Variants in ASIC4 observed in about 807,000 individuals in gnomAD.
ASIC4 encodes the protein acid-sensing ion channel 4.
In ASIC4, 28 loss-of-function variants were observed where a neutral mutation model predicts 53.4. That is an observed-to-expected ratio of 0.52 (90% CI 0.39 to 0.72). The LOEUF is 0.72. Ranked by LOEUF, ASIC4 falls within the 30% of genes least tolerant of loss-of-function variation. The probability of loss-of-function intolerance (pLI) is 0.00; values close to 1 mark genes in which losing one functional copy is unlikely to be tolerated. For missense variants in ASIC4, 649 were observed against 729.7 expected (o/e 0.89, Z 1.27); for synonymous variants, 289 against 301.4 (o/e 0.96, Z 0.43).
At chr2:219,509,001 G>C in the ASIC4 span, among the ~76,000 whole-genome samples, 1 of 151,900 alleles carries the variant, frequency 6.6e-6, no homozygotes, top group Admixed American at 6.6e-5. This position sits in a 1 kb window ranked among gnomAD's most constrained non-coding sequence, Gnocchi z 5.2. Context: ...ACCGAGTGTG[G>C]AGAGAAATTT....
In ASIC4 at chr2:219,531,868, G is replaced by A. The variant is rs1460214997; in HGVS notation, c.693G>A (p.Gln231=). ...GCCTGGAGATCATGCTGGACATCCA[G>A]CAGGAGGAGTACCTGCCCATCTGGA... ...GSGLEIMLDI[Q]QEEYLPIWRE... Residue 231 remains glutamine, a synonymous_variant, in exon 2 of 10, where the codon CAG becomes CAA. Transcript: ENST00000358078. 6.2e-7 allele frequency: 1 copy of A among 1,613,218 alleles called. No homozygotes were observed. Among genetic ancestry groups the A allele is most frequent in the Admixed American group, 1.7e-5 (1 of 59,914 alleles).
chr2:219,511,474 C>G (rs1694701128), upstream of ASIC4, among the ~76,000 whole-genome samples: 1 of 152,092 alleles, frequency 6.6e-6, no homozygotes, highest in Admixed American at 6.5e-5. The surrounding 1 kb of genome is among the most constrained non-coding windows in gnomAD (Gnocchi z 5.3). Context: ...AAGCTCATCC[C>G]CTGGGGGGCG....
At chr2:219,528,873 G>A (rs1694997944) in intron 1 of ASIC4, among the ~76,000 whole-genome samples, 1 of 152,144 alleles carries the variant, frequency 6.6e-6, no homozygotes, top group African/African-American at 2.4e-5. Context: ...GCCCATTTCA[G>A]AGTTCCTCCA....
chr2:219,526,254 C>T (rs1420222771), intron 1 of ASIC4, among the ~76,000 whole-genome samples: 3 of 152,154 alleles, frequency 2.0e-5, no homozygotes, highest in African/African-American at 4.8e-5. Flanking sequence ...CCCAACCCCT[C>T]ATCACTGTCT....
At chr2:219,512,397 TG>T (rs1390090171), upstream of ASIC4, among the ~76,000 whole-genome samples, 1 of 152,108 alleles carries the variant, frequency 6.6e-6, no homozygotes, top group Non-Finnish European at 1.5e-5. Context: ...GCGGAGAGTT[TG>T]GGGGGCAGTT....
chr2:219,537,488 G>T lies in ASIC4; in HGVS notation c.1402-144G>T. On this transcript the variant is annotated intron_variant, in intron 8 of 9. Coordinates refer to ENST00000358078, the MANE Select transcript of ASIC4 (RefSeq NM_018674.6). This position sits in a 1 kb window ranked among gnomAD's most constrained non-coding sequence, Gnocchi z 4.9. ...GCCTGAGGGCTCAGAGTCAGGAGAA[G>T]GGGATGGGTGAGGAGGAGGAGGGTG... is the stretch of plus-strand genomic sequence containing the variant. 9.6e-7 allele frequency: 1 copy of T among 1,046,136 alleles called. No individual in the cohort carries two copies. The allele number at this position is 1,046,136 out of a possible 1,614,324, so 64.8% of individuals were successfully genotyped here.
chr2:219,514,286 C>T (rs952130026), upstream of ASIC4: 33 of 1,473,638 alleles, frequency 2.2e-5, no homozygotes, highest in African/African-American at 1.3e-4. Flanking sequence ...CCCGTGCTGC[C>T]GGTGAAACGC....
chr2:219,520,435 C>CCTCCTTAG (rs1694866908), intron 1 of ASIC4, among the ~76,000 whole-genome samples: 1 of 152,216 alleles, frequency 6.6e-6, no homozygotes, highest in Non-Finnish European at 1.5e-5. Flanking sequence ...GTCCCAGCGA[C>CCTCCTTAG]CTCCTTAGCT....
chr2:219,521,031 C>T (rs938162049), intron 1 of ASIC4, among the ~76,000 whole-genome samples: 3 of 152,220 alleles, frequency 2.0e-5, no homozygotes, highest in Non-Finnish European at 2.9e-5. Context: ...ATTGCAGAAC[C>T]AGGTGCACCC....
In ASIC4 at chr2:219,537,644, C is replaced by T. The variant is rs771596337; in HGVS notation, c.1414C>T (p.Arg472Ter). The change falls in exon 9 of 10, where the codon CGA becomes TGA. Residue 472 changes from arginine to a stop codon, truncating the protein, a stop_gained. Coordinates refer to ENST00000358078, the MANE Select transcript of ASIC4 (RefSeq NM_018674.6). LOFTEE classifies it high-confidence loss of function. The surrounding 1 kb of genome is among the most constrained non-coding windows in gnomAD (Gnocchi z 4.9). Reference sequence around the variant, plus strand: ...CCTGAACCCCAAGGTGTCCTGGGATCGACTGAAGCGGGTATGGAGGCGTCC... The same window carrying T: ...CCTGAACCCCAAGGTGTCCTGGGATTGACTGAAGCGGGTATGGAGGCGTCC... ...LDYIYEVSWD[R>*]LKRVWRRPKT... is the part of the protein sequence containing the mutation. The T allele has an allele frequency of 3.1e-6, 5 of 1,612,592 alleles. No individual in the cohort carries two copies. The highest frequency in any genetic ancestry group is 4.2e-6 in the Non-Finnish European group (5 of 1,179,362).
rs1694788071 is a variant in ASIC4, at chr2:219,516,306, C to G, written c.582+1000C>G. On this transcript the variant is annotated intron_variant, in intron 1 of 9. Coordinates refer to ENST00000358078, the MANE Select transcript of ASIC4 (RefSeq NM_018674.6). The surrounding 1 kb of genome is among the most constrained non-coding windows in gnomAD (Gnocchi z 4.9). Reference sequence around the variant, plus strand: ...CCCCATCTATCCCAACCGCTGCTCCCCATTTGGAGACTGCTGGCGCCATCT... The same window carrying G: ...CCCCATCTATCCCAACCGCTGCTCCGCATTTGGAGACTGCTGGCGCCATCT... Among the ~76,000 whole-genome samples, 1 of 152,202 alleles carries G rather than the reference C, an allele frequency of 6.6e-6. No homozygotes were observed. Among genetic ancestry groups the G allele is most frequent in the Non-Finnish European group, 1.5e-5 (1 of 68,040 alleles).
At chr2:219,532,840 G>A in intron 4 of ASIC4, 43 bp from the exon 5 acceptor site, 2 of 1,576,926 alleles carry the variant, frequency 1.3e-6, no homozygotes, top group Non-Finnish European at 1.7e-6. Flanking sequence ...GGGGGACAGG[G>A]GAAGTGATCG....
At chr2:219,523,491 T>G (rs1694919415) in intron 1 of ASIC4, among the ~76,000 whole-genome samples, 1 of 152,154 alleles carries the variant, frequency 6.6e-6, no homozygotes, top group Non-Finnish European at 1.5e-5. Context: ...AGGGAGGAAG[T>G]GGCCCTGAAA....
chr2:219,510,508 C>G (rs893864869), upstream of ASIC4, among the ~76,000 whole-genome samples: 4 of 152,172 alleles, frequency 2.6e-5, no homozygotes, highest in African/African-American at 4.8e-5. The surrounding 1 kb of genome is among the most constrained non-coding windows in gnomAD (Gnocchi z 5.2). Flanking sequence ...AGCCCTCCCC[C>G]GCAGGCCCCA....
chr2:219,509,280 A>G (rs1694668203), upstream of ASIC4, among the ~76,000 whole-genome samples: 1 of 151,532 alleles, frequency 6.6e-6, no homozygotes, highest in Non-Finnish European at 1.5e-5. The surrounding 1 kb of genome is among the most constrained non-coding windows in gnomAD (Gnocchi z 5.2). Flanking sequence ...CTGCATCCGC[A>G]CGGAGCACAG....
chr2:219,523,859 TGCCCAGGC>T (rs1298987945), intron 1 of ASIC4, among the ~76,000 whole-genome samples: 10 of 151,866 alleles, frequency 6.6e-5, no homozygotes, highest in African/African-American at 2.4e-4. Context: ...CACGCTCTGT[TGCCCAGGC>T]TGGAGTGCAG....
intron 1 of ASIC4, among the ~76,000 whole-genome samples, chr2:219,525,943 G>C (rs921631991): frequency 1.3e-5 from 2 of 152,236 alleles, no homozygotes; most frequent in African/African-American, 4.8e-5. Context: ...CAGAGGCAGG[G>C]TGCCCAGAAG....
At chr2:219,522,472 G>A (rs927737738) in intron 1 of ASIC4, among the ~76,000 whole-genome samples, 82 of 152,076 alleles carry the variant, frequency 5.4e-4, no homozygotes, top group Middle Eastern at 3.4e-3. Flanking sequence ...TCCCCAGTGG[G>A]GGCTCACGGG....
chr2:219,533,987 T>G, intron 5 of ASIC4: 2 of 123,560 alleles, frequency 1.6e-5, no homozygotes, highest in Admixed American at 1.0e-4. Context: ...TGAGCTGGGA[T>G]CACACCATTG....
Sources: allele counts gnomAD v4.1 joint callset (sites outside exome capture counted in the v4.1 genomes callset), GRCh38; gene constraint gnomAD v4.1.1; non-coding constraint Gnocchi (gnomAD v3.1); transcripts MANE v1.5; gene names NCBI Gene and HGNC (gene_info 2026-07-23, HGNC 2026-07-21).